HNF4G: variants seen among roughly 807,000 people sequenced by gnomAD.
HNF4G encodes hepatocyte nuclear factor 4-gamma.
A neutral mutation model predicts 50.9 loss-of-function variants in HNF4G; 21 were observed. The observed-to-expected ratio is 0.41, with a 90% CI of 0.29 to 0.59. The LOEUF is 0.59. Ranked by LOEUF, HNF4G falls within the 20% of genes least tolerant of loss-of-function variation. HNF4G has a pLI of 0.26. For synonymous variants in HNF4G, 198 were observed against 185.6 expected, an observed-to-expected ratio of 1.07 and a Z score of -0.54; for missense variants, 527 against 559.4, an observed-to-expected ratio of 0.94 and a Z score of 0.58.
At chr8:75,541,525 A>G (rs1050183819) in intron 1 of HNF4G, among the ~76,000 whole-genome samples, 8 of 152,024 alleles carry the variant, frequency 5.3e-5, no homozygotes, top group Non-Finnish European at 1.2e-4. Context: ...ATTTTTTTCT[A>G]CTTCATGAAA....
rs148981531 is a variant in HNF4G, at chr8:75,522,506, T to C, written c.-23-21305T>C. ...AGCCCATGAGTGGTAAATGCAGACA[T>C]AGATCTACTATATTGTAGGTCAAAT... On this transcript the variant is annotated intron_variant, in intron 2 of 10. Transcript: ENST00000354370. Among the ~76,000 whole-genome samples, 372 of 152,336 alleles carry C rather than the reference T, an allele frequency of 2.4e-3. 3 individuals carry two copies. Among genetic ancestry groups the C allele is most frequent in the Admixed American group, 5.9e-3 (90 of 15,298 alleles).
chr8:75,540,066 T>C lies in HNF4G; in HGVS notation c.104T>C (p.Leu35Pro), dbSNP rs753496727. The change falls in exon 1 of 10, where the codon CTA becomes CCA. Residue 35 changes from leucine (L) to proline (P), a missense_variant. This residue lies in a region of HNF4G where 84 missense variants were observed against 87.1 expected (regional missense o/e 0.96). Transcript: ENST00000396423. ...TTGGAGTTTGAAACTATGCAGATTC[T>C]ATATAATTCAAGTGGTGAGTTATCA... ...TTLEFETMQI[L>P]YNSSDSSAPE... 4.5e-6 allele frequency: 7 copies of C among 1,572,778 alleles called. No individual in the cohort carries two copies. In the East Asian group the frequency reaches 1.3e-4, roughly 30 times the overall value.
At chr8:75,552,545 C>G (rs1806989387) in intron 4 of HNF4G, among the ~76,000 whole-genome samples, 1 of 152,000 alleles carries the variant, frequency 6.6e-6, no homozygotes, top group Non-Finnish European at 1.5e-5. Context: ...TTTTGATGGG[C>G]TTCCTTTTAA....
At chr8:75,521,661 T>A (rs1432433561) in intron 2 of HNF4G, among the ~76,000 whole-genome samples, 3 of 152,238 alleles carry the variant, frequency 2.0e-5, no homozygotes, top group Non-Finnish European at 4.4e-5. Context: ...AAAACTAATT[T>A]GATACCATCT....
chr8:75,492,222 T>C (rs1003755024), intron 2 of HNF4G, among the ~76,000 whole-genome samples: 1 of 152,184 alleles, frequency 6.6e-6, no homozygotes, highest in African/African-American at 2.4e-5. Flanking sequence ...CCCACACTGA[T>C]CTAGTCACTC....
At chr8:75,492,976 G>T (rs1006647798) in intron 2 of HNF4G, among the ~76,000 whole-genome samples, 2 of 151,980 alleles carry the variant, frequency 1.3e-5, no homozygotes, top group African/African-American at 4.8e-5. Context: ...ATGACTTTGT[G>T]CAAGAAATGC....
intron 6 of HNF4G, among the ~76,000 whole-genome samples, chr8:75,556,455 G>A (rs1294493139): frequency 6.6e-6 from 1 of 152,036 alleles, no homozygotes; most frequent in African/African-American, 2.4e-5. Context: ...AAAAAAACAT[G>A]TTTACGTCCT....
At chr8:75,467,355 T>G (rs1459991938) in intron 1 of HNF4G, among the ~76,000 whole-genome samples, 2 of 152,186 alleles carry the variant, frequency 1.3e-5, no homozygotes, top group Non-Finnish European at 2.9e-5. Context: ...CTAGTTCACA[T>G]TAGAAATTTT....
chr8:75,480,039 A>G (rs1812338879), intron 1 of HNF4G, among the ~76,000 whole-genome samples: 1 of 152,078 alleles, frequency 6.6e-6, no homozygotes, highest in South Asian at 2.1e-4. Flanking sequence ...ATTCTCCCAT[A>G]CAATCTGAGA....
chr8:75,499,404 CCATGTT>C, intron 2 of HNF4G, among the ~76,000 whole-genome samples: 1 of 151,826 alleles, frequency 6.6e-6, no homozygotes, highest in East Asian at 1.9e-4. Flanking sequence ...GAAAGACATC[CCATGTT>C]CATGGATTGA....
chr8:75,500,869 C>T (rs555877192), intron 2 of HNF4G, among the ~76,000 whole-genome samples: 10 of 151,988 alleles, frequency 6.6e-5, no homozygotes, highest in South Asian at 4.2e-4. Flanking sequence ...GGAGGGAGGT[C>T]GGGCATGACT....
At chr8:75,555,368 A>G (rs760793009) in intron 5 of HNF4G, among the ~76,000 whole-genome samples, 7 of 152,136 alleles carry the variant, frequency 4.6e-5, no homozygotes, top group Non-Finnish European at 1.0e-4. Context: ...CCTAGTGGTG[A>G]TGCCCAGCAG....
chr8:75,410,622 C>T (rs1393967049), intron 1 of HNF4G, among the ~76,000 whole-genome samples: 1 of 152,136 alleles, frequency 6.6e-6, no homozygotes, highest in African/African-American at 2.4e-5. Flanking sequence ...GCAATAACAA[C>T]ATGTTGCAGT....
intron 2 of HNF4G, among the ~76,000 whole-genome samples, chr8:75,528,905 C>T (rs1806250228): frequency 6.6e-6 from 1 of 152,108 alleles, no homozygotes. Context: ...GGGGAGGCCT[C>T]AGGAAACTTA....
intron 1 of HNF4G, among the ~76,000 whole-genome samples, chr8:75,472,823 T>C (rs1812147586): frequency 6.6e-6 from 1 of 152,136 alleles, no homozygotes; most frequent in South Asian, 2.1e-4. Flanking sequence ...TCCCAGTGCG[T>C]AGAGAAGTGC....
chr8:75,438,934 A>G (rs1457633584), intron 1 of HNF4G, among the ~76,000 whole-genome samples: 2 of 151,820 alleles, frequency 1.3e-5, no homozygotes, highest in Admixed American at 6.6e-5. Flanking sequence ...CCACTTAATT[A>G]TATCTCTTGA....
intron 2 of HNF4G, among the ~76,000 whole-genome samples, chr8:75,517,869 A>G (rs779399435): frequency 6.6e-6 from 1 of 151,758 alleles, no homozygotes; most frequent in Non-Finnish European, 1.5e-5. Context: ...CTTCCACACT[A>G]CCTTAGCAGA....
chr8:75,539,278 T>G (rs1040487084), upstream of HNF4G, among the ~76,000 whole-genome samples: 2 of 152,172 alleles, frequency 1.3e-5, no homozygotes, highest in African/African-American at 2.4e-5. Context: ...CTTGGGAAGT[T>G]TATTAGCATA....
chr8:75,556,187 C>A (rs1807119475), intron 6 of HNF4G, 118 bp downstream of exon 6: 4 of 466,570 alleles, frequency 8.6e-6, no homozygotes, highest in Non-Finnish European at 1.5e-5. Context: ...GGTGCTGTCA[C>A]TTCACAGGTT....
Sources: gnomAD v4.1 joint callset for allele counts (sites outside exome capture counted in the v4.1 genomes callset) on GRCh38, gnomAD v4.1.1 for gene constraint, gnomAD v4.1.1 regional missense constraint, MANE v1.5 for transcripts, NCBI Gene and HGNC (gene_info 2026-07-23, HGNC 2026-07-21) for gene names.